Variants in PKNOX2 observed in about 807,000 individuals in gnomAD.
PKNOX2 encodes the protein PBX/knotted 1 homeobox 2, also known as homeobox protein PKNOX2.
Under a neutral mutation model 53.1 loss-of-function variants are expected in PKNOX2, and 14 were observed. The ratio of observed to expected loss-of-function variants is 0.26; its 90% CI spans 0.17 to 0.41. The LOEUF (loss-of-function observed/expected upper bound fraction) is 0.41. PKNOX2 is among the 10% of genes least tolerant of loss of function. The probability of loss-of-function intolerance (pLI) is 1.00; values close to 1 mark genes in which losing one functional copy is unlikely to be tolerated. For missense variants in PKNOX2, 496 were observed against 602.8 expected (o/e 0.82, Z 1.85); for synonymous variants, 257 against 242.8 (o/e 1.06, Z -0.54).
Position 125,314,674 on chromosome 11 carries a change from C to A in PKNOX2, c.-129-17145C>A, listed in dbSNP as rs193167494. On this transcript the variant is annotated intron_variant, in intron 2 of 12. Transcript: ENST00000298282. ...GCAGCCCCCAGCTCTGGCTGTGCTG[C>A]AGAGAGTAGGGGCCATCCCAGAAAC... Among the ~76,000 whole-genome samples, 474 of 152,218 alleles carry A rather than the reference C, an allele frequency of 3.1e-3. 2 individuals are homozygous for A. Among genetic ancestry groups the A allele is most frequent in the African/African-American group, 0.011 (442 of 41,542 alleles).
intron 2 of PKNOX2, among the ~76,000 whole-genome samples, chr11:125,323,176 G>A (rs915669564): frequency 6.6e-6 from 1 of 152,070 alleles, no homozygotes; most frequent in African/African-American, 2.4e-5. Context: ...TGAGTTTCTC[G>A]GTGCCAATTT....
intron 2 of PKNOX2, among the ~76,000 whole-genome samples, chr11:125,320,213 G>A (rs927074663): frequency 2.0e-5 from 3 of 152,182 alleles, no homozygotes; most frequent in Non-Finnish European, 4.4e-5. Context: ...CCAGTATTCA[G>A]TCTAAAGTGG....
intron 7 of PKNOX2, among the ~76,000 whole-genome samples, 190 bp downstream of exon 7, chr11:125,398,252 G>A (rs79636213): frequency 0.032 from 4,922 of 152,286 alleles, 213 homozygotes; most frequent in African/African-American, 0.093. Flanking sequence ...TTTACACACA[G>A]TCTGCCCTGC....
rs543406807 is a variant in PKNOX2 at position 125,243,249 on chromosome 11, G to A, written c.-130+8134G>A. 3.3e-5 allele frequency among the ~76,000 whole-genome samples: 5 copies of A among 152,288 alleles called. No homozygotes were observed. The South Asian group carries it at 8.3e-4, about 25-fold the overall frequency. The stretch of plus-strand genomic sequence containing the variant: ...GGGACTTGTAGAGCAATGGTTATAG[G>A]AACTGGTTCTAGATTCAGCCAACAG... On this transcript the variant is annotated intron_variant, in intron 2 of 12. Transcript: ENST00000298282.
At chr11:125,274,931 A>G (rs538350661) in intron 2 of PKNOX2, among the ~76,000 whole-genome samples, 1 of 152,348 alleles carries the variant, frequency 6.6e-6, no homozygotes, top group South Asian at 2.1e-4. Flanking sequence ...TGCAGAGATA[A>G]GTAAGACAGC....
chr11:125,171,187 G>A (rs56243945), intron 1 of PKNOX2, among the ~76,000 whole-genome samples: 3 of 152,092 alleles, frequency 2.0e-5, no homozygotes, highest in Non-Finnish European at 4.4e-5. Context: ...CCCAGTAATC[G>A]GGCATCATGG....
intron 6 of PKNOX2, among the ~76,000 whole-genome samples, chr11:125,397,148 G>A (rs1205929347): frequency 6.6e-6 from 1 of 152,198 alleles, no homozygotes; most frequent in Non-Finnish European, 1.5e-5. Flanking sequence ...CATTTGAAGA[G>A]GCAGCAGGCT....
At chr11:125,298,076 G>A (rs577003606) in intron 2 of PKNOX2, among the ~76,000 whole-genome samples, 1 of 152,334 alleles carries the variant, frequency 6.6e-6, no homozygotes, top group African/African-American at 2.4e-5. Flanking sequence ...GAGGACCCAG[G>A]CACAGTGAGG....
chr11:125,178,609 G>GAAAGAAAGAAAGAAA (rs1491232927), intron 1 of PKNOX2, among the ~76,000 whole-genome samples: 18 of 46,254 alleles, frequency 3.9e-4, no homozygotes, highest in Admixed American at 6.4e-4. Context: ...AAGGAAGGAA[G>GAAAGAAAGAAAGAAA]GAAAGAAAGA....
intron 2 of PKNOX2, among the ~76,000 whole-genome samples, chr11:125,253,919 C>G (rs1944203486): frequency 6.6e-6 from 1 of 152,228 alleles, no homozygotes; most frequent in South Asian, 2.1e-4. Context: ...GAACACACAT[C>G]TCTCTGCACT....
At chr11:125,277,237 A>G (rs1400637423) in intron 2 of PKNOX2, among the ~76,000 whole-genome samples, 4 of 152,212 alleles carry the variant, frequency 2.6e-5, no homozygotes, top group Admixed American at 2.6e-4. Flanking sequence ...TGCCAATCAC[A>G]GTGGGAAGAA....
intron 4 of PKNOX2, among the ~76,000 whole-genome samples, chr11:125,362,132 G>T (rs964090931): frequency 1.1e-4 from 15 of 140,472 alleles, no homozygotes; most frequent in Middle Eastern, 3.4e-3. Flanking sequence ...ACATGCAGAG[G>T]GGGGTGAAGT....
At chr11:125,172,204 G>T (rs1220513491) in intron 1 of PKNOX2, among the ~76,000 whole-genome samples, 1 of 152,210 alleles carries the variant, frequency 6.6e-6, no homozygotes, top group Non-Finnish European at 1.5e-5. Flanking sequence ...GTGGCCAGAA[G>T]TGGGCTGTCC....
At chr11:125,228,708 C>T (rs951297143) in intron 1 of PKNOX2, among the ~76,000 whole-genome samples, 4 of 152,180 alleles carry the variant, frequency 2.6e-5, no homozygotes, top group Admixed American at 6.5e-5. Context: ...AAAAAACCCT[C>T]GGTTGGTATT....
At chr11:125,403,195 A>G (rs1416265215) in intron 7 of PKNOX2, among the ~76,000 whole-genome samples, 1 of 152,216 alleles carries the variant, frequency 6.6e-6, no homozygotes, top group African/African-American at 2.4e-5. Context: ...TTCTGGGGAT[A>G]TAAAAAATGG....
intron 1 of PKNOX2, among the ~76,000 whole-genome samples, chr11:125,175,027 C>G (rs1955602377): frequency 6.6e-6 from 1 of 152,170 alleles, no homozygotes; most frequent in African/African-American, 2.4e-5. Flanking sequence ...CTGACTTAGT[C>G]TCCGGCACTG....
At chr11:125,350,479 A>T (rs796194546) in intron 3 of PKNOX2, among the ~76,000 whole-genome samples, 51 of 150,232 alleles carry the variant, frequency 3.4e-4, no homozygotes, top group African/African-American at 1.2e-3. Context: ...TCTACCAGCC[A>T]AAGAGGCAGG....
chr11:125,169,697 TA>T (rs991234626), intron 1 of PKNOX2, among the ~76,000 whole-genome samples: 1 of 151,698 alleles, frequency 6.6e-6, no homozygotes, highest in Non-Finnish European at 1.5e-5. Flanking sequence ...GCGCTCTGAG[TA>T]AAAAAAATGG....
chr11:125,416,564 T>C (rs1354122033), intron 10 of PKNOX2, among the ~76,000 whole-genome samples: 3 of 152,024 alleles, frequency 2.0e-5, no homozygotes, highest in Non-Finnish European at 4.4e-5. Context: ...GAAACGTACA[T>C]ACTTTATTAA....
Sources: gnomAD v4.1 joint callset for allele counts (sites outside exome capture counted in the v4.1 genomes callset) on GRCh38, gnomAD v4.1.1 for gene constraint, MANE v1.5 for transcripts, NCBI Gene and HGNC (gene_info 2026-07-23, HGNC 2026-07-21) for gene names.